Variants in RAF1 observed in about 807,000 individuals in gnomAD.
RAF1 encodes the protein Raf-1 proto-oncogene, serine/threonine kinase.
A neutral mutation model predicts 81.1 loss-of-function variants in RAF1; 27 were observed. The ratio of observed to expected loss-of-function variants is 0.33; its 90% CI spans 0.25 to 0.46. The LOEUF is 0.46. Among genes scored for constraint, RAF1 ranks in the 20% least tolerant of loss-of-function variants. RAF1 has a pLI of 1.00. For synonymous variants in RAF1, 298 were observed against 294.0 expected (o/e 1.01, Z -0.14); for missense variants, 598 against 826.0 (o/e 0.72, Z 3.38).
intron 14 of RAF1, 185 bp from the exon 14 acceptor site, chr3:12,585,984 C>T: frequency 2.8e-5 from 17 of 602,386 alleles, no homozygotes; most frequent in South Asian, 2.8e-4. Flanking sequence ...TTCCAGAAGA[C>T]AGGCAGGGAT....
chr3:12,613,122 C>A (rs1472236828), intron 2 of RAF1, among the ~76,000 whole-genome samples: 1 of 152,164 alleles, frequency 6.6e-6, no homozygotes, highest in African/African-American at 2.4e-5. Flanking sequence ...GTACTCAATC[C>A]TCAAAAAGCT....
chr3:12,646,772 A>G (rs1011702787), intron 1 of RAF1, among the ~76,000 whole-genome samples: 1 of 150,790 alleles, frequency 6.6e-6, no homozygotes, highest in Admixed American at 6.6e-5. Context: ...ACTTGTCTCA[A>G]ACTCCTGACC....
In RAF1 at chr3:12,584,396, T is replaced by C. The variant is rs3730299; in HGVS notation, c.*118A>G. The stretch of plus-strand genomic sequence containing the variant: ...AAGGCCCTGTGAGCAGTCTAGAAGG[T>C]CCTTAGCAGCAGCTTCTCTGAAAAC... On this transcript the variant is annotated 3_prime_UTR_variant, in exon 18 of 18. Transcript: ENST00000442415. 7.8e-5 allele frequency: 103 copies of C among 1,317,030 alleles called. 1 individual carries two copies. The African/African-American group carries it at 1.4e-3, about 18-fold the overall frequency. 81.6% of individuals were successfully genotyped at this position (1,317,030 alleles called of 1,614,324 possible).
intron 1 of RAF1, among the ~76,000 whole-genome samples, chr3:12,663,341 G>A (rs1440686903): frequency 6.6e-6 from 1 of 152,158 alleles, no homozygotes; most frequent in Non-Finnish European, 1.5e-5. Context: ...TTTGTGGTAG[G>A]GCACTGGCCA....
chr3:12,600,045 G>A, intron 10 of RAF1, 107 bp downstream of exon 9: 1 of 1,510,928 alleles, frequency 6.6e-7, no homozygotes, highest in Non-Finnish European at 9.2e-7. Flanking sequence ...TTCATTGAAT[G>A]TATTTTATTA....
At chr3:12,640,963 C>G (rs542377334) in intron 1 of RAF1, among the ~76,000 whole-genome samples, 1 of 152,130 alleles carries the variant, frequency 6.6e-6, no homozygotes, top group South Asian at 2.1e-4. Context: ...GGAACCAACC[C>G]AAATGTCCAT....
At chr3:12,609,356 AC>A (rs755096957) in intron 3 of RAF1, 21 bp from the exon 4 acceptor site, 2 of 1,521,592 alleles carry the variant, frequency 1.3e-6, no homozygotes, top group South Asian at 1.1e-5. Flanking sequence ...TTTAAAAAAA[AC>A]ATGAAATGTT....
chr3:12,597,380 C>T (rs567809613), intron 11 of RAF1, among the ~76,000 whole-genome samples: 7 of 152,270 alleles, frequency 4.6e-5, no homozygotes, highest in Admixed American at 3.3e-4. Context: ...AATGAAAGTG[C>T]GCAACCAGAG....
Position 12,583,978 on chromosome 3 carries a change from C to CTCGGTGGTCGCCGTAT in RAF1, c.*535_*536insATACGGCGACCACCGA. 2 of 246,776 alleles carry CTCGGTGGTCGCCGTAT rather than the reference C, an allele frequency of 8.1e-6. No homozygotes were observed. The highest frequency in any genetic ancestry group is 1.4e-4 in the South Asian group (1 of 7,288). The allele number at this position is 246,776 out of a possible 1,614,324, so 15.3% of individuals were successfully genotyped here. A position where few individuals can be genotyped will look rare whatever the true frequency, so the allele number is the denominator to read the frequency against. On this transcript the variant is annotated 3_prime_UTR_variant, in exon 18 of 18. Transcript: ENST00000442415. Reference sequence around the variant, plus strand: ...GAGGACGTGTCCCCTAAGAAAAGTTCCATAGTACCAAAGCAGGCTCCTTCG... The same window carrying CTCGGTGGTCGCCGTAT: ...GAGGACGTGTCCCCTAAGAAAAGTTCTCGGTGGTCGCCGTATCATAGTACCAAAGCAGGCTCCTTCG...
At chr3:12,585,858 A>T in intron 14 of RAF1, 59 bp from the exon 14 acceptor site, 1 of 1,199,988 alleles carries the variant, frequency 8.3e-7, no homozygotes, top group Non-Finnish European at 1.2e-6. Flanking sequence ...TTTGAAAAAT[A>T]TCCCAAAGTT....
rs766437069 is a variant in RAF1 at position 12,604,287 on chromosome 3, G to A, written c.683C>T (p.Ser228Phe). ...GTGAGGTGTAGAATATCTGTGCTGAGAACTAGGAGGAGAAAGAAAATTCCA... is the reference window on the plus strand; with the variant it reads ...GTGAGGTGTAGAATATCTGTGCTGAAAACTAGGAGGAGAAAGAAAATTCCA... The change falls in exon 7 of 18, where the codon TCT becomes TTT. Residue 228 changes from serine to phenylalanine, a missense_variant and splice_region_variant. By Grantham distance (155) the Ser-to-Phe change is radical (BLOSUM62 -2). Coordinates refer to ENST00000442415, the MANE Select transcript of RAF1 (RefSeq NM_001354689.3). 6.2e-7 allele frequency: 1 copy of A among 1,613,862 alleles called. No homozygotes were observed. Among genetic ancestry groups the A allele is most frequent in the Admixed American group, 1.7e-5 (1 of 59,926 alleles).
chr3:12,585,584 G>C (rs575604082), intron 15 of RAF1, 97 bp downstream of exon 14: 4 of 1,384,056 alleles, frequency 2.9e-6, no homozygotes, highest in Non-Finnish European at 2.0e-6. Flanking sequence ...GTGGATTTCG[G>C]GGAAATGTAC....
chr3:12,651,190 G>C (rs1385233841), intron 1 of RAF1, among the ~76,000 whole-genome samples: 1 of 152,090 alleles, frequency 6.6e-6, no homozygotes, highest in Non-Finnish European at 1.5e-5. Flanking sequence ...ACATGTATTA[G>C]AGGGGATCTT....
chr3:12,626,176 G>A (rs1339028680), intron 1 of RAF1, among the ~76,000 whole-genome samples: 2 of 150,128 alleles, frequency 1.3e-5, no homozygotes, highest in Non-Finnish European at 3.0e-5. Context: ...CTCAAGAGGT[G>A]GAGGTTGCAG....
chr3:12,636,593 G>C (rs562755421), intron 1 of RAF1, among the ~76,000 whole-genome samples: 1 of 152,054 alleles, frequency 6.6e-6, no homozygotes, highest in Admixed American at 6.6e-5. Context: ...GACTACTTGG[G>C]TCCAGAAGTT....
rs1463627261 is a variant in RAF1, at chr3:12,606,285, G to T, written c.596C>A (p.Ser199Tyr). The T allele has an allele frequency of 3.1e-6, 5 of 1,612,502 alleles. No homozygotes were observed. Among genetic ancestry groups the T allele is most frequent in the African/African-American group, 1.3e-5 (1 of 74,868 alleles). ...TGGGACTCCACTATCACCAATAGTG[G>T]AATTTGGAAACAATCTAAACAAAAG... Residue 199 changes from serine (S) to tyrosine (Y), a missense_variant, in exon 6 of 18, where the codon TCC (serine) becomes TAC (tyrosine). Transcript: ENST00000442415.
At chr3:12,599,961 A>C (rs1202746918) in intron 10 of RAF1, among the ~76,000 whole-genome samples, 153 bp from the exon 10 acceptor site, 1 of 152,244 alleles carries the variant, frequency 6.6e-6, no homozygotes, top group Non-Finnish European at 1.5e-5. Flanking sequence ...TTTGAGAAAT[A>C]CCATTTTAGT....
At chr3:12,637,213 G>T (rs1160471863) in intron 1 of RAF1, among the ~76,000 whole-genome samples, 1 of 152,140 alleles carries the variant, frequency 6.6e-6, no homozygotes, top group Non-Finnish European at 1.5e-5. Context: ...TTATCACCTA[G>T]GAACTAGGGT....
intron 1 of RAF1, among the ~76,000 whole-genome samples, chr3:12,637,942 C>G (rs1361576989): frequency 1.3e-5 from 2 of 152,156 alleles, no homozygotes; most frequent in Non-Finnish European, 2.9e-5. Flanking sequence ...AATTCTTTAA[C>G]TGTGACCTAC....
Sources: allele counts gnomAD v4.1 joint callset (sites outside exome capture counted in the v4.1 genomes callset), GRCh38; gene constraint gnomAD v4.1.1; transcripts MANE v1.5; gene names NCBI Gene and HGNC (gene_info 2026-07-23, HGNC 2026-07-21).